The following TNRC6A variants were observed in gnomAD, a reference collection of about 807,000 sequenced individuals.
The protein encoded by TNRC6A is trinucleotide repeat-containing gene 6A protein.
In TNRC6A, 44 loss-of-function variants were observed where a neutral mutation model predicts 221.2. That is an observed-to-expected ratio of 0.20 (90% CI 0.16 to 0.26). The LOEUF (loss-of-function observed/expected upper bound fraction) is 0.26, where lower values mean the gene tolerates loss of function less well. Ranked by LOEUF, TNRC6A falls within the 10% of genes least tolerant of loss-of-function variation. The pLI, the probability that TNRC6A is intolerant of heterozygous loss-of-function variation, is 1.00. For missense variants in TNRC6A, 2,199 were observed against 2,404.4 expected, an observed-to-expected ratio of 0.91 and a Z score of 1.79; for synonymous variants, 847 against 838.5, an observed-to-expected ratio of 1.01 and a Z score of -0.18.
At chr16:24,669,941 C>CTTTTTTTTTTTTTTTTT (rs535737725) in intron 2 of TNRC6A, among the ~76,000 whole-genome samples, 2,001 of 27,180 alleles carry the variant, frequency 0.074, 824 homozygotes, top group Middle Eastern at 0.15. Context: ...GAGGCAGCTA[C>CTTTTTTTTTTTTTTTTT]TTTTTTTTTT....
chr16:24,654,283 C>T (rs1902830862), intron 2 of TNRC6A, among the ~76,000 whole-genome samples: 1 of 152,164 alleles, frequency 6.6e-6, no homozygotes, highest in Non-Finnish European at 1.5e-5. Flanking sequence ...GAGCAGCTTA[C>T]AAAATGCCAG....
chr16:24,672,390 A>C (rs1169906476), intron 2 of TNRC6A, among the ~76,000 whole-genome samples: 1 of 151,710 alleles, frequency 6.6e-6, no homozygotes. Flanking sequence ...GGCCTCCCAA[A>C]GTGCTGGGAT....
chr16:24,771,596 T>TATGTTGTG lies in TNRC6A; in HGVS notation c.164-5332_164-5331insGTGATGTT, dbSNP rs2057610322. Reference sequence around the variant, plus strand: ...GTTATGTTATGTTGTTATGTTATGTTATGTTATGTTATGTTATGTTATGTT... The same window carrying TATGTTGTG: ...GTTATGTTATGTTGTTATGTTATGTTATGTTGTGATGTTATGTTATGTTATGTTATGTT... On this transcript the variant is annotated intron_variant, in intron 4 of 24. Transcript: ENST00000395799. 2.1e-5 allele frequency among the ~76,000 whole-genome samples: 3 copies of TATGTTGTG among 140,620 alleles called. No homozygotes were observed. The South Asian group carries it at 6.6e-4, about 31-fold the overall frequency. 92.3% of individuals were successfully genotyped at this position (140,620 alleles called of 152,430 possible). A position where few individuals can be genotyped will look rare whatever the true frequency, so the allele number is the denominator to read the frequency against.
intron 2 of TNRC6A, among the ~76,000 whole-genome samples, chr16:24,736,614 T>A (rs890766088): frequency 6.6e-6 from 1 of 152,184 alleles, no homozygotes. Flanking sequence ...ATTTTTTGGG[T>A]CTTGTCTGTA....
In TNRC6A at chr16:24,758,223, C is replaced by T. The variant is rs371611818; in HGVS notation, c.142-116C>T. 2.9e-6 allele frequency: 3 copies of T among 1,021,168 alleles called. No individual in the cohort carries two copies. The South Asian group carries it at 4.7e-5, about 16-fold the overall frequency. The allele number at this position is 1,021,168 out of a possible 1,614,324, so 63.3% of individuals were successfully genotyped here. ...GTGCAGTTCATCTATTTGAGAAATT[C>T]CTTGTTTAATAAAGGTGTATATGTC... On this transcript the variant is annotated intron_variant, in intron 3 of 24. Coordinates refer to ENST00000395799, the MANE Select transcript of TNRC6A (RefSeq NM_014494.4).
chr16:24,666,688 T>TATATATATAC (rs1215764027), intron 2 of TNRC6A, among the ~76,000 whole-genome samples: 1 of 114,240 alleles, frequency 8.8e-6, no homozygotes, highest in African/African-American at 3.2e-5. Context: ...TATATATATA[T>TATATATATAC]ACATATGGCA....
Position 24,823,566 on chromosome 16 carries a change from G to T in TNRC6A, c.5648G>T (p.Gly1883Val). The T allele has an allele frequency of 1.2e-6, 2 of 1,614,160 alleles. No individual in the cohort carries two copies. The highest frequency in any genetic ancestry group is 1.7e-6 in the Non-Finnish European group (2 of 1,180,034). Residue 1883 changes from glycine to valine, a missense_variant, in exon 25 of 25, where the codon GGC becomes GTC. By Grantham distance (109) the Gly-to-Val change is moderately radical. Coordinates refer to ENST00000395799, the MANE Select transcript of TNRC6A (RefSeq NM_014494.4). The surrounding 1 kb of genome is among the most constrained non-coding windows in gnomAD (Gnocchi z 4.3). ...CTCGGGTCCAGCCAGAGCCGGCTGG[G>T]CTCCCTCGACTGTTCCCACTCATTC... ...QSLGSSQSRL[G>V]SLDCSHSFSS...
chr16:24,736,403 A>G (rs1183716433), intron 2 of TNRC6A, among the ~76,000 whole-genome samples: 1 of 152,174 alleles, frequency 6.6e-6, no homozygotes. Context: ...TCTGGTCCCT[A>G]TTCAGATTTT....
At position 24,672,074 on chromosome 16, in the gene TNRC6A, G is replaced by T. The variant is rs112114542; in HGVS notation, n.402+31065G>T. On this transcript the variant is annotated intron_variant and non_coding_transcript_variant, in intron 2 of 2. Coordinates refer to the TNRC6A transcript ENST00000566108. Reference sequence around the variant, plus strand: ...ATCATTTTTAATTCTCTTCAAGAGTGATTCGGGAGTTGTGTTTGTGTAGGA... The same window carrying T: ...ATCATTTTTAATTCTCTTCAAGAGTTATTCGGGAGTTGTGTTTGTGTAGGA... Among the ~76,000 whole-genome samples the T allele has an allele frequency of 6.5e-3, 987 of 152,258 alleles. 3 individuals carry two copies. The highest frequency in any genetic ancestry group is 0.012 in the Non-Finnish European group (799 of 68,014).
chr16:24,680,728 A>G (rs1481726998), intron 2 of TNRC6A, among the ~76,000 whole-genome samples: 1 of 151,430 alleles, frequency 6.6e-6, no homozygotes, highest in African/African-American at 2.4e-5. Context: ...AAAAAAAAAA[A>G]AGGAACTATT....
chr16:24,826,099 T>C lies in TNRC6A; in HGVS notation c.*2292T>C, dbSNP rs2058853571. The C allele has an allele frequency of 6.5e-6, 1 of 152,714 alleles. No individual in the cohort carries two copies. 9.5% of individuals were successfully genotyped at this position (152,714 alleles called of 1,614,324 possible). On this transcript the variant is annotated 3_prime_UTR_variant, in exon 25 of 25. Coordinates refer to ENST00000395799, the MANE Select transcript of TNRC6A (RefSeq NM_014494.4). Reference sequence around the variant, plus strand: ...GGAAATGTTTGGAGCGTTAAGCTGATTGACCTTCTGACCTTGGGGCTTTGA... The same window carrying C: ...GGAAATGTTTGGAGCGTTAAGCTGACTGACCTTCTGACCTTGGGGCTTTGA...
intron 1 of TNRC6A, among the ~76,000 whole-genome samples, chr16:24,620,495 A>G (rs535515691): frequency 6.6e-6 from 1 of 152,180 alleles, no homozygotes; most frequent in Non-Finnish European, 1.5e-5. Context: ...ATGTTTGTTC[A>G]TAAGTGGCTC....
chr16:24,824,998 A>G lies in TNRC6A; in HGVS notation c.*1191A>G, dbSNP rs868060435. 6.6e-6 allele frequency: 1 copy of G among 152,636 alleles called. No homozygotes were observed. The highest frequency in any genetic ancestry group is 2.4e-5 in the African/African-American group (1 of 41,466). The allele number at this position is 152,636 out of a possible 1,614,324, so 9.5% of individuals were successfully genotyped here. On this transcript the variant is annotated 3_prime_UTR_variant, in exon 25 of 25. Coordinates refer to ENST00000395799, the MANE Select transcript of TNRC6A (RefSeq NM_014494.4). ...TAATCAATAGGTAATAATTTTTTGTAATCCCATCAAGTGGCTCCATATGTT... is the reference window on the plus strand; with the variant it reads ...TAATCAATAGGTAATAATTTTTTGTGATCCCATCAAGTGGCTCCATATGTT...
At position 24,790,442 on chromosome 16, in the gene TNRC6A, A is replaced by G. The variant is rs2058074403; in HGVS notation, c.1800A>G (p.Gly600=). The G allele has an allele frequency of 5.6e-6, 9 of 1,614,242 alleles. No individual in the cohort carries two copies. Among genetic ancestry groups the G allele is most frequent in the Non-Finnish European group, 6.8e-6 (8 of 1,180,050 alleles). Residue 600 remains glycine (G), a synonymous_variant, in exon 6 of 25, where the codon GGA becomes GGG. Transcript: ENST00000395799. ...NGANSGGSRR[G]WGTPAQNTGT... is the part of the protein sequence containing the mutation. ...CAAATTCTGGAGGAAGTCGAAGAGG[A>G]TGGGGAACCCCTGCACAAAACACTG...
intron 2 of TNRC6A, among the ~76,000 whole-genome samples, chr16:24,723,072 G>A (rs1476168540): frequency 6.6e-6 from 1 of 152,158 alleles, no homozygotes; most frequent in East Asian, 1.9e-4. Context: ...ATGTCAGCCT[G>A]AAATACCCAG....
In TNRC6A at chr16:24,790,489, A is replaced by T; in HGVS notation, c.1847A>T (p.Glu616Val). Residue 616 changes from glutamate (E) to valine (V), a missense_variant, in exon 6 of 25, where the codon GAG becomes GTG. Physicochemically the swap from Glu to Val is moderately radical, Grantham distance 121. This residue lies in a region of TNRC6A where 1,405 missense variants were observed against 1,400.2 expected (regional missense o/e 1.00). Coordinates refer to ENST00000395799, the MANE Select transcript of TNRC6A (RefSeq NM_014494.4). Reference protein sequence around the residue: ...QNTGTNLPSVEWNKLPSNQHS... With the variant: ...QNTGTNLPSVVWNKLPSNQHS... ...ACTGGCACTAATTTACCCAGCGTTGAGTGGAACAAACTGCCTAGCAATCAG... is the reference window on the plus strand; with the variant it reads ...ACTGGCACTAATTTACCCAGCGTTGTGTGGAACAAACTGCCTAGCAATCAG... 1 of 1,614,250 alleles carries T rather than the reference A, an allele frequency of 6.2e-7. No individual in the cohort carries two copies. The highest frequency in any genetic ancestry group is 8.5e-7 in the Non-Finnish European group (1 of 1,180,040).
At chr16:24,805,474 A>C in intron 14 of TNRC6A, 131 bp from the exon 15 acceptor site, 1 of 1,314,952 alleles carries the variant, frequency 7.6e-7, no homozygotes, top group Non-Finnish European at 1.0e-6. Flanking sequence ...AGTAAGACAG[A>C]GACAAAGACT....
chr16:24,679,295 C>A (rs1020531814), intron 2 of TNRC6A, among the ~76,000 whole-genome samples: 3 of 151,762 alleles, frequency 2.0e-5, no homozygotes, highest in Admixed American at 6.6e-5. Context: ...CTGCGCCCGG[C>A]CAAGACATTG....
chr16:24,678,338 G>T (rs1237267646), intron 2 of TNRC6A, among the ~76,000 whole-genome samples: 2 of 151,438 alleles, frequency 1.3e-5, no homozygotes, highest in Admixed American at 1.3e-4. Flanking sequence ...ATAGGCTATG[G>T]CAAAAGTGAT....
Sources: gnomAD v4.1 joint callset for allele counts (sites outside exome capture counted in the v4.1 genomes callset) on GRCh38, gnomAD v4.1.1 for gene constraint, gnomAD v4.1.1 regional missense constraint, Gnocchi (gnomAD v3.1) non-coding constraint, MANE v1.5 for transcripts, NCBI Gene and HGNC (gene_info 2026-07-23, HGNC 2026-07-21) for gene names.